The following TMEM178B variants were observed in gnomAD, a reference collection of about 807,000 sequenced individuals.
The protein encoded by TMEM178B is transmembrane protein 178B.
Under a neutral mutation model 31.0 loss-of-function variants are expected in TMEM178B, and 5 were observed. The ratio of observed to expected loss-of-function variants is 0.16; its 90% confidence interval spans 0.08 to 0.34. The LOEUF (loss-of-function observed/expected upper bound fraction) is 0.34, where lower values mean the gene tolerates loss of function less well. TMEM178B is among the 10% of genes least tolerant of loss of function. TMEM178B has a pLI of 1.00. For missense variants in TMEM178B, 275 were observed against 400.3 expected (o/e 0.69, Z 2.67); for synonymous variants, 164 against 164.0 (o/e 1.00, Z 0.00).
chr7:141,163,942 T>C (rs531702817), intron 1 of TMEM178B, among the ~76,000 whole-genome samples: 9 of 152,274 alleles, frequency 5.9e-5, no homozygotes, highest in African/African-American at 1.9e-4. Flanking sequence ...ATTATTAGAA[T>C]TACAAGGAAA....
chr7:141,437,700 C>T lies in TMEM178B; in HGVS notation c.589C>T (p.Arg197Ter). ...CGGCGTGCTGGGCTGCTGCTGGGAC[C>T]GAGGCCTTATGCAGTACGTGGCAGG... is the stretch of plus-strand genomic sequence containing the variant. Reference protein sequence around the residue: ...IIGVLGCCWDRGLMQYVAGLL... With the variant: ...IIGVLGCCWD Residue 197 changes from arginine (R) to a stop codon, truncating the protein, a stop_gained, in exon 3 of 4, where the codon CGA becomes TGA. Transcript: ENST00000565468. LOFTEE classifies it high-confidence loss of function. 1 of 1,536,166 alleles carries T rather than the reference C, an allele frequency of 6.5e-7. No homozygotes were observed. The highest frequency in any genetic ancestry group is 8.7e-7 in the Non-Finnish European group (1 of 1,146,916).
At chr7:141,417,182 A>T (rs1414223416) in intron 2 of TMEM178B, among the ~76,000 whole-genome samples, 1 of 152,172 alleles carries the variant, frequency 6.6e-6, no homozygotes, top group Non-Finnish European at 1.5e-5. Context: ...GCTGCTAGTC[A>T]TTCATGCTCC....
intron 2 of TMEM178B, among the ~76,000 whole-genome samples, chr7:141,276,150 A>T (rs958391113): frequency 6.6e-6 from 1 of 152,062 alleles, no homozygotes; most frequent in African/African-American, 2.4e-5. Context: ...GGAAACAGTG[A>T]GTTTTGAGAT....
At chr7:141,301,162 T>C (rs1458175811) in intron 2 of TMEM178B, among the ~76,000 whole-genome samples, 1 of 152,234 alleles carries the variant, frequency 6.6e-6, no homozygotes, top group Non-Finnish European at 1.5e-5. Flanking sequence ...AGTGAGCTTA[T>C]ACCTGAAAGA....
chr7:141,373,959 T>G (rs1296894210), intron 2 of TMEM178B, among the ~76,000 whole-genome samples: 1 of 152,208 alleles, frequency 6.6e-6, no homozygotes, highest in Non-Finnish European at 1.5e-5. Context: ...AATCCAACTC[T>G]GGGGGATGGA....
intron 3 of TMEM178B, among the ~76,000 whole-genome samples, chr7:141,445,952 C>T (rs533516890): frequency 5.6e-4 from 85 of 152,182 alleles, no homozygotes; most frequent in Admixed American, 2.6e-3. Context: ...TACTTCATAC[C>T]CTGGAGCGTA....
intron 2 of TMEM178B, among the ~76,000 whole-genome samples, chr7:141,299,532 T>C (rs896262552): frequency 9.9e-5 from 15 of 152,148 alleles, no homozygotes; most frequent in Non-Finnish European, 1.8e-4. Flanking sequence ...AGGCCTCCCT[T>C]GGCCAGGCCT....
chr7:141,169,944 T>C lies in TMEM178B; in HGVS notation c.383-42647T>C, dbSNP rs553548500. Among the ~76,000 whole-genome samples, 6 of 152,366 alleles carry C rather than the reference T, an allele frequency of 3.9e-5. No homozygotes were observed. The East Asian group carries it at 1.2e-3, about 29-fold the overall frequency. On this transcript the variant is annotated intron_variant, in intron 1 of 3. Transcript: ENST00000565468. ...TTTGTTCACATGAATACATAATTTCTTTTGCATAAATTAAGATTTTTCTTC... is the reference window on the plus strand; with the variant it reads ...TTTGTTCACATGAATACATAATTTCCTTTGCATAAATTAAGATTTTTCTTC...
Position 141,437,701 on chromosome 7 carries a change from G to A in TMEM178B, c.590G>A (p.Arg197Gln), listed in dbSNP as rs763336681. The change falls in exon 3 of 4, where the codon CGA becomes CAA. Residue 197 changes from arginine to glutamine, a missense_variant. Arg to Gln is a conservative substitution (Grantham distance 43). Coordinates refer to ENST00000565468, the MANE Select transcript of TMEM178B (RefSeq NM_001195278.2). ...IIGVLGCCWD[R>Q]GLMQYVAGLL... is the part of the protein sequence containing the mutation. The stretch of plus-strand genomic sequence containing the variant: ...GGCGTGCTGGGCTGCTGCTGGGACC[G>A]AGGCCTTATGCAGTACGTGGCAGGG... 31 of 1,536,066 alleles carry A rather than the reference G, an allele frequency of 2.0e-5. No individual in the cohort carries two copies. The Admixed American group carries it at 2.9e-4, about 15-fold the overall frequency.
At chr7:141,505,348 T>C in the TMEM178B span, among the ~76,000 whole-genome samples, 1 of 152,204 alleles carries the variant, frequency 6.6e-6, no homozygotes, top group East Asian at 1.9e-4. Flanking sequence ...AAATAGAAAG[T>C]CCACATCTTT....
intron 2 of TMEM178B, among the ~76,000 whole-genome samples, chr7:141,391,122 G>A (rs1800527203): frequency 6.6e-6 from 1 of 152,054 alleles, no homozygotes; most frequent in African/African-American, 2.4e-5. Flanking sequence ...GGTCTTGAAG[G>A]CCAGGCTGTA....
At chr7:141,235,697 A>C (rs1797516867) in intron 2 of TMEM178B, among the ~76,000 whole-genome samples, 1 of 152,228 alleles carries the variant, frequency 6.6e-6, no homozygotes, top group African/African-American at 2.4e-5. Context: ...GATAATTCCA[A>C]ACAGTTGATT....
intron 2 of TMEM178B, among the ~76,000 whole-genome samples, chr7:141,369,760 G>A (rs1302906103): frequency 6.6e-6 from 1 of 152,106 alleles, no homozygotes; most frequent in Admixed American, 6.6e-5. Context: ...CTGTCCCCTG[G>A]AGCCGGGATT....
At chr7:141,446,678 T>A (rs980345542) in intron 3 of TMEM178B, among the ~76,000 whole-genome samples, 2 of 152,194 alleles carry the variant, frequency 1.3e-5, no homozygotes, top group Non-Finnish European at 2.9e-5. Context: ...GGACTAGCCA[T>A]GTGGCCCTAG....
At chr7:141,460,506 C>T (rs1286430627) in intron 3 of TMEM178B, among the ~76,000 whole-genome samples, 3 of 152,208 alleles carry the variant, frequency 2.0e-5, no homozygotes, top group African/African-American at 7.2e-5. Context: ...GGGCAAAATT[C>T]CTGTGTTTCC....
intron 2 of TMEM178B, among the ~76,000 whole-genome samples, chr7:141,333,000 T>C (rs1050665693): frequency 6.6e-6 from 1 of 152,324 alleles, no homozygotes. Flanking sequence ...CCATTTGGAA[T>C]CCACCATTTT....
At chr7:141,190,492 A>G (rs530919920) in intron 1 of TMEM178B, among the ~76,000 whole-genome samples, 1 of 150,252 alleles carries the variant, frequency 6.7e-6, no homozygotes, top group Non-Finnish European at 1.5e-5. Context: ...TTTTTTTTAT[A>G]TAGAGATGAA....
intron 2 of TMEM178B, among the ~76,000 whole-genome samples, chr7:141,241,409 T>A (rs1005438065): frequency 6.6e-6 from 1 of 151,910 alleles, no homozygotes; most frequent in Non-Finnish European, 1.5e-5. Context: ...CTGGCCAACA[T>A]GGTGAAAACC....
At chr7:141,430,410 A>G (rs1188619677) in intron 2 of TMEM178B, among the ~76,000 whole-genome samples, 2 of 152,236 alleles carry the variant, frequency 1.3e-5, no homozygotes, top group Non-Finnish European at 2.9e-5. Context: ...GCCAGGTACT[A>G]TTATAAGCAG....
Sources: gnomAD v4.1 joint callset for allele counts (sites outside exome capture counted in the v4.1 genomes callset) on GRCh38, gnomAD v4.1.1 for gene constraint, MANE v1.5 for transcripts, NCBI Gene and HGNC (gene_info 2026-07-23, HGNC 2026-07-21) for gene names.